Variants in SLFN12L observed in about 807,000 individuals in gnomAD.
SLFN12L encodes the protein schlafen family member 12 like, also known as schlafen family member 12-like.
Under a neutral mutation model 34.8 loss-of-function variants are expected in SLFN12L, and 34 were observed. That is an observed-to-expected ratio of 0.98 (90% CI 0.74 to 1.30). The LOEUF (loss-of-function observed/expected upper bound fraction) is 1.30, where lower values mean the gene tolerates loss of function less well. Ranked by LOEUF, SLFN12L falls within the 50% of genes most tolerant of loss-of-function variation. The probability of loss-of-function intolerance (pLI) is 0.00; values close to 1 mark genes in which losing one functional copy is unlikely to be tolerated. For missense variants in SLFN12L, 703 were observed against 696.2 expected, an observed-to-expected ratio of 1.01 and a Z score of -0.11; for synonymous variants, 259 against 247.5, an observed-to-expected ratio of 1.05 and a Z score of -0.44.
At chr17:35,492,513 G>A (rs1914875604) in intron 2 of SLFN12L, among the ~76,000 whole-genome samples, 1 of 152,168 alleles carries the variant, frequency 6.6e-6, no homozygotes, top group Non-Finnish European at 1.5e-5. Context: ...TCCTTAAGCT[G>A]GCAGGAACGG....
chr17:35,509,728 C>T (rs535894816), intron 2 of SLFN12L, among the ~76,000 whole-genome samples: 12 of 150,610 alleles, frequency 8.0e-5, no homozygotes, highest in African/African-American at 1.7e-4. Context: ...GACAGAGTCT[C>T]GCTGTGTCCC....
At chr17:35,489,493 G>T (rs1228769431) in intron 2 of SLFN12L, among the ~76,000 whole-genome samples, 1 of 152,104 alleles carries the variant, frequency 6.6e-6, no homozygotes, top group Non-Finnish European at 1.5e-5. Context: ...TGTTGAGGCT[G>T]CAGTGAGCCG....
intron 2 of SLFN12L, among the ~76,000 whole-genome samples, chr17:35,485,871 C>T (rs549455750): frequency 5.3e-5 from 8 of 152,188 alleles, no homozygotes; most frequent in African/African-American, 1.9e-4. Flanking sequence ...ATTTTTGTAT[C>T]AGTACTATGT....
At chr17:35,530,805 C>CT (rs1185394108) in intron 1 of SLFN12L, among the ~76,000 whole-genome samples, 5 of 152,164 alleles carry the variant, frequency 3.3e-5, no homozygotes. Flanking sequence ...TGCACAATCA[C>CT]TTTTTTCTTT....
At chr17:35,484,646 A>G (rs1914503283) in intron 2 of SLFN12L, among the ~76,000 whole-genome samples, 2 of 152,180 alleles carry the variant, frequency 1.3e-5, no homozygotes, top group Admixed American at 1.3e-4. Context: ...GGGTTGTCCT[A>G]GGACCTCATG....
intron 2 of SLFN12L, among the ~76,000 whole-genome samples, chr17:35,503,834 G>A (rs1250761086): frequency 6.6e-6 from 1 of 151,966 alleles, no homozygotes; most frequent in African/African-American, 2.4e-5. Context: ...ACTCGAGCCA[G>A]CCTGAGAAGG....
chr17:35,474,907 G>T lies in SLFN12L; in HGVS notation c.*16C>A. The T allele has an allele frequency of 6.5e-7, 1 of 1,526,742 alleles. No homozygotes were observed. The highest frequency in any genetic ancestry group is 8.8e-7 in the Non-Finnish European group (1 of 1,138,224). The allele number at this position is 1,526,742 out of a possible 1,614,324, so 94.6% of individuals were successfully genotyped here. A position where few individuals can be genotyped will look rare whatever the true frequency, so the allele number is the denominator to read the frequency against. On this transcript the variant is annotated 3_prime_UTR_variant, in exon 5 of 5. Transcript: ENST00000628453. Reference sequence around the variant, plus strand: ...GATCGTGTCACTACACTCCAGTCTGGGTGACAGAGTGAGACTCATCTCAAG... The same window carrying T: ...GATCGTGTCACTACACTCCAGTCTGTGTGACAGAGTGAGACTCATCTCAAG...
In SLFN12L at chr17:35,466,248, T is replaced by C. The variant is rs1012270254; in HGVS notation, c.*8675A>G. ...CAAATGTATAATGACATATATCTAC[T>C]ATATAGTATCAAACACAGGATTTTC... On this transcript the variant is annotated 3_prime_UTR_variant, in exon 5 of 5. Coordinates refer to ENST00000628453, the MANE Select transcript of SLFN12L (RefSeq NM_001363830.2). Among the ~76,000 whole-genome samples the C allele has an allele frequency of 1.3e-5, 2 of 152,332 alleles. No individual in the cohort carries two copies. Among genetic ancestry groups the C allele is most frequent in the South Asian group, 2.1e-4 (1 of 4,830 alleles).
intron 1 of SLFN12L, among the ~76,000 whole-genome samples, chr17:35,530,745 T>A (rs1392821024): frequency 1.3e-5 from 2 of 152,144 alleles, no homozygotes; most frequent in African/African-American, 4.8e-5. Context: ...AACTTAACTG[T>A]GCTATGGTGA....
chr17:35,481,662 G>A (rs1201917134), intron 2 of SLFN12L, among the ~76,000 whole-genome samples: 1 of 152,154 alleles, frequency 6.6e-6, no homozygotes, highest in East Asian at 1.9e-4. Flanking sequence ...CCTGGCATTC[G>A]GGGCCACTAC....
rs1441709475 is a variant in SLFN12L at position 35,468,622 on chromosome 17, C to A, written c.*6301G>T. On this transcript the variant is annotated 3_prime_UTR_variant, in exon 5 of 5. Coordinates refer to ENST00000628453, the MANE Select transcript of SLFN12L (RefSeq NM_001363830.2). ...TTTCTGAGTGTGCTGTCTGCTTAGCCTATCATCCTGGCATACTCCTTGCTC... is the reference window on the plus strand; with the variant it reads ...TTTCTGAGTGTGCTGTCTGCTTAGCATATCATCCTGGCATACTCCTTGCTC... Among the ~76,000 whole-genome samples, 1 of 152,172 alleles carries A rather than the reference C, an allele frequency of 6.6e-6. No individual in the cohort carries two copies. The highest frequency in any genetic ancestry group is 2.4e-5 in the African/African-American group (1 of 41,422).
intron 2 of SLFN12L, chr17:35,498,780 A>C: frequency 1.2e-5 from 12 of 1,006,620 alleles, no homozygotes; most frequent in Non-Finnish European, 1.8e-5. Flanking sequence ...TGCCCTGTGC[A>C]AAATGTTTAT....
rs2142169271 is a variant in SLFN12L at position 35,522,384 on chromosome 17, G to T, written c.-20C>A. ...CTCCATGATCTTCATGGCCATGATG[G>T]TCTTTCCTAAGCCAGGTAAGCCATG... On this transcript the variant is annotated 5_prime_UTR_variant, in exon 2 of 5. Transcript: ENST00000628453. The T allele has an allele frequency of 6.2e-7, 1 of 1,614,162 alleles. No individual in the cohort carries two copies. The highest frequency in any genetic ancestry group is 8.5e-7 in the Non-Finnish European group (1 of 1,180,028).
At chr17:35,534,352 C>T (rs965417516) in intron 1 of SLFN12L, among the ~76,000 whole-genome samples, 2 of 152,180 alleles carry the variant, frequency 1.3e-5, no homozygotes, top group African/African-American at 2.4e-5. Context: ...CAGAGCAAGA[C>T]TCCGTCTCAA....
In SLFN12L at chr17:35,500,048, T is replaced by A. The variant is rs1421284945; in HGVS notation, c.87-19853A>T. On this transcript the variant is annotated intron_variant, in intron 2 of 4. Coordinates refer to ENST00000628453, the MANE Select transcript of SLFN12L (RefSeq NM_001363830.2). Reference sequence around the variant, plus strand: ...TTTGGATGGAAAATTCTTTATACGATGTTAAAAACTTAAGGATCAAAAATA... The same window carrying A: ...TTTGGATGGAAAATTCTTTATACGAAGTTAAAAACTTAAGGATCAAAAATA... 5.9e-5 allele frequency: 9 copies of A among 152,452 alleles called. No individual in the cohort carries two copies. In the East Asian group the frequency reaches 1.5e-3, roughly 26 times the overall value. 9.4% of individuals were successfully genotyped at this position (152,452 alleles called of 1,614,324 possible).
Position 35,487,421 on chromosome 17 carries a change from C to T in SLFN12L, c.87-7226G>A, listed in dbSNP as rs546220564. Among the ~76,000 whole-genome samples the T allele has an allele frequency of 1.3e-3, 197 of 152,312 alleles. 1 individual carries two copies. The highest frequency in any genetic ancestry group is 4.4e-3 in the African/African-American group (185 of 41,574). ...AAGCAGCCTCGGGTCTCCCCGAGAT[C>T]GGTGGGGTTGCTCTGGCAGCGCCCC... is the stretch of plus-strand genomic sequence containing the variant. On this transcript the variant is annotated intron_variant, in intron 2 of 4. Transcript: ENST00000628453.
At chr17:35,477,337 CAG>C (rs1259621049) in intron 4 of SLFN12L, among the ~76,000 whole-genome samples, 3 of 152,062 alleles carry the variant, frequency 2.0e-5, no homozygotes, top group African/African-American at 7.2e-5. Flanking sequence ...AGAAAATAAA[CAG>C]AAATATCTTT....
At chr17:35,501,202 A>C (rs1915284479) in intron 2 of SLFN12L, among the ~76,000 whole-genome samples, 1 of 152,208 alleles carries the variant, frequency 6.6e-6, no homozygotes, top group Non-Finnish European at 1.5e-5. Context: ...ATGGATCCTG[A>C]GAGCACTCCT....
At position 35,494,071 on chromosome 17, in the gene SLFN12L, G is replaced by A. The variant is rs191163956; in HGVS notation, c.87-13876C>T. On this transcript the variant is annotated intron_variant, in intron 2 of 4. Transcript: ENST00000628453. ...AGGAAGATGACTTGCAGAGTAAGTC[G>A]GGTAGCAGTTGTCAGAGTGTGGGAA... Among the ~76,000 whole-genome samples the A allele has an allele frequency of 1.0e-3, 159 of 152,262 alleles. 1 individual carries two copies. The highest frequency in any genetic ancestry group is 6.8e-3 in the Middle Eastern group (2 of 294).
Sources: gnomAD v4.1 joint callset for allele counts (sites outside exome capture counted in the v4.1 genomes callset) on GRCh38, gnomAD v4.1.1 for gene constraint, MANE v1.5 for transcripts, NCBI Gene and HGNC (gene_info 2026-07-23, HGNC 2026-07-21) for gene names.